The following TTC3 variants were observed in gnomAD, a reference collection of about 807,000 sequenced individuals.
TTC3 encodes the protein E3 ubiquitin-protein ligase TTC3.
In TTC3, 180 loss-of-function variants were observed where a neutral mutation model predicts 249.6. That is an observed-to-expected ratio of 0.72 (90% CI 0.64 to 0.82). The LOEUF (loss-of-function observed/expected upper bound fraction) is 0.82. Among genes scored for constraint, TTC3 ranks in the 40% least tolerant of loss-of-function variants. The pLI, the probability that TTC3 is intolerant of heterozygous loss-of-function variation, is 0.00. For synonymous variants in TTC3, 717 were observed against 805.0 expected (o/e 0.89, Z 1.85); for missense variants, 2,061 against 2,398.4 (o/e 0.86, Z 2.94).
intron 11 of TTC3, among the ~76,000 whole-genome samples, chr21:37,114,176 A>T (rs1317687410): frequency 6.6e-6 from 1 of 152,166 alleles, no homozygotes; most frequent in African/African-American, 2.4e-5. Context: ...ACAAAAGCCA[A>T]AATTGACAAA....
At chr21:37,092,558 G>A (rs2073410864) in intron 7 of TTC3, among the ~76,000 whole-genome samples, 1 of 152,216 alleles carries the variant, frequency 6.6e-6, no homozygotes, top group South Asian at 2.1e-4. Flanking sequence ...CACTGACTTT[G>A]AGAGGTTAAG....
chr21:37,140,219 C>G (rs2078312534), intron 19 of TTC3, among the ~76,000 whole-genome samples: 1 of 152,072 alleles, frequency 6.6e-6, no homozygotes, highest in African/African-American at 2.4e-5. Flanking sequence ...TGTGTTTACA[C>G]CATAATTAGC....
chr21:37,193,239 G>C (rs374584219), intron 41 of TTC3, among the ~76,000 whole-genome samples: 2 of 152,182 alleles, frequency 1.3e-5, no homozygotes, highest in Non-Finnish European at 2.9e-5. Flanking sequence ...CCCGTCAGGC[G>C]TGCCCTCTTT....
intron 35 of TTC3, among the ~76,000 whole-genome samples, chr21:37,182,245 A>G (rs1477049163): frequency 6.6e-6 from 1 of 152,216 alleles, no homozygotes; most frequent in African/African-American, 2.4e-5. Context: ...GAAGTTGACA[A>G]AGAGGGTTAG....
Position 37,148,545 on chromosome 21 carries a change from G to T in TTC3, c.2017-1G>T. On this transcript the variant is annotated splice_acceptor_variant, in intron 22 of 45. Transcript: ENST00000355666. LOFTEE classifies it high-confidence loss of function. Reference sequence around the variant, plus strand: ...AATTAAAAAATTTTTTGTAACCCTAGGGTTTTATACGCATCAGCTGTTGCC... The same window carrying T: ...AATTAAAAAATTTTTTGTAACCCTATGGTTTTATACGCATCAGCTGTTGCC... 6.4e-7 allele frequency: 1 copy of T among 1,563,546 alleles called. No homozygotes were observed.
intron 7 of TTC3, among the ~76,000 whole-genome samples, chr21:37,092,614 CTAGA>C (rs2073418687): frequency 6.6e-6 from 1 of 152,312 alleles, no homozygotes; most frequent in African/African-American, 2.4e-5. Context: ...GTAGGTAAGA[CTAGA>C]TAAGTCAGAT....
chr21:37,163,518 T>C (rs1315731311), intron 31 of TTC3, among the ~76,000 whole-genome samples: 1 of 152,144 alleles, frequency 6.6e-6, no homozygotes, highest in African/African-American at 2.4e-5. Context: ...GCCTGGCTAA[T>C]TTTGTATTTT....
chr21:37,091,344 G>A lies in TTC3; in HGVS notation c.532G>A (p.Val178Ile), dbSNP rs2073238321. The change falls in exon 7 of 46, where the codon GTA (valine) becomes ATA (isoleucine). Residue 178 changes from valine (V) to isoleucine (I), a missense_variant. By Grantham distance (29) the Val-to-Ile change is conservative. Around this residue, in one of 3 missense-constraint regions of TTC3, gnomAD observed 989 missense variants for 1,145.1 expected, o/e 0.86. Transcript: ENST00000355666. The stretch of plus-strand genomic sequence containing the variant: ...GAATTGGATAAAATATGCAGGCGAT[G>A]TAACAATTCTAACTAAATTAGGATC... The A allele has an allele frequency of 2.5e-6, 4 of 1,611,680 alleles. No individual in the cohort carries two copies. The African/African-American group carries it at 4.0e-5, about 16-fold the overall frequency.
intron 15 of TTC3, 45 bp downstream of exon 15, chr21:37,126,188 T>C: frequency 6.3e-7 from 1 of 1,585,826 alleles, no homozygotes; most frequent in East Asian, 2.2e-5. Flanking sequence ...TAATATAATG[T>C]CTCCTAAATT....
At chr21:37,172,848 T>G (rs1381617122) in intron 35 of TTC3, 104 bp downstream of exon 35, 2 of 1,329,864 alleles carry the variant, frequency 1.5e-6, no homozygotes, top group Admixed American at 5.3e-5. Flanking sequence ...CATTGGTGGC[T>G]AAACAAAAGA....
chr21:37,139,307 C>T (rs2078224670), intron 19 of TTC3, among the ~76,000 whole-genome samples: 4 of 152,050 alleles, frequency 2.6e-5, no homozygotes, highest in Admixed American at 2.6e-4. Flanking sequence ...CCTATAACTG[C>T]ATGTAGTCAG....
chr21:37,128,845 G>A (rs954679831), intron 15 of TTC3, among the ~76,000 whole-genome samples, 158 bp from the exon 16 acceptor site: 10 of 151,916 alleles, frequency 6.6e-5, no homozygotes, highest in Admixed American at 3.9e-4. Flanking sequence ...AATATCATCA[G>A]TAGCTTCTTT....
At chr21:37,148,924 C>G (rs928499942) in intron 23 of TTC3, among the ~76,000 whole-genome samples, 2 of 147,428 alleles carry the variant, frequency 1.4e-5, no homozygotes, top group African/African-American at 4.9e-5. Context: ...ACTCCTTGAC[C>G]CAAGTGATCC....
At chr21:37,175,263 CAAA>C (rs58424565) in intron 35 of TTC3, among the ~76,000 whole-genome samples, 9,012 of 53,166 alleles carry the variant, frequency 0.17, 227 homozygotes, top group Non-Finnish European at 0.23. Flanking sequence ...GACTGTGTCT[CAAA>C]AAAAAAAAAA....
At chr21:37,096,506 C>T (rs967555471) in intron 9 of TTC3, 75 bp from the exon 10 acceptor site, 3 of 1,220,790 alleles carry the variant, frequency 2.5e-6, no homozygotes, top group East Asian at 2.4e-5. Flanking sequence ...TTTCTCATGC[C>T]TTATGTTTTC....
At chr21:37,089,448 G>A (rs1238755554) in intron 5 of TTC3, among the ~76,000 whole-genome samples, 2 of 152,044 alleles carry the variant, frequency 1.3e-5, no homozygotes, top group East Asian at 1.9e-4. Context: ...ATTTTCTGCA[G>A]TAGTTATTTG....
At chr21:37,097,859 C>CT (rs1259135788) in intron 10 of TTC3, 11 of 652,100 alleles carry the variant, frequency 1.7e-5, no homozygotes, top group Non-Finnish European at 3.1e-5. Flanking sequence ...GTAGTAAACT[C>CT]TAAGCATGTA....
At chr21:37,202,751 A>G (rs896229819) in exon 46 of TTC3, 3 of 152,214 alleles carry the variant, frequency 2.0e-5, no homozygotes, top group Admixed American at 6.5e-5. Flanking sequence ...ATGTTTTTCA[A>G]TGTGTTCTTT....
At chr21:37,131,617 T>C (rs1279711085) in intron 16 of TTC3, among the ~76,000 whole-genome samples, 1 of 151,954 alleles carries the variant, frequency 6.6e-6, no homozygotes, top group Admixed American at 6.6e-5. Context: ...GGGAACCCTC[T>C]TGTAGTCAGC....
Sources: gnomAD v4.1 joint callset for allele counts (sites outside exome capture counted in the v4.1 genomes callset) on GRCh38, gnomAD v4.1.1 for gene constraint, gnomAD v4.1.1 regional missense constraint, MANE v1.5 for transcripts, NCBI Gene and HGNC (gene_info 2026-07-23, HGNC 2026-07-21) for gene names.